Variants in ANO2 observed in about 807,000 individuals in gnomAD.
ANO2 encodes anoctamin-2.
In ANO2, 101 loss-of-function variants were observed where a neutral mutation model predicts 124.2. The ratio of observed to expected loss-of-function variants is 0.81; its 90% CI spans 0.69 to 0.96. The LOEUF (loss-of-function observed/expected upper bound fraction) is 0.96, where lower values mean the gene tolerates loss of function less well. Among genes scored for constraint, ANO2 ranks in the 40% least tolerant of loss-of-function variants. The pLI, the probability that ANO2 is intolerant of heterozygous loss-of-function variation, is 0.00. For missense variants in ANO2, 1,293 were observed against 1,274.5 expected (o/e 1.01, Z -0.22); for synonymous variants, 486 against 482.5 (o/e 1.01, Z -0.09).
chr12:5,640,145 G>A (rs547533497), intron 15 of ANO2, among the ~76,000 whole-genome samples: 2 of 152,112 alleles, frequency 1.3e-5, no homozygotes, highest in Non-Finnish European at 2.9e-5. Flanking sequence ...ATAGCACTGG[G>A]GCATTTCTTT....
At chr12:5,796,596 A>C (rs1379075296) in intron 10 of ANO2, among the ~76,000 whole-genome samples, 1 of 152,154 alleles carries the variant, frequency 6.6e-6, no homozygotes, top group East Asian at 1.9e-4. Context: ...TGCAGGCCCC[A>C]GGTCTCCAGA....
intron 3 of ANO2, among the ~76,000 whole-genome samples, chr12:5,914,191 C>G (rs950334373): frequency 1.6e-5 from 2 of 127,874 alleles, no homozygotes; most frequent in Admixed American, 8.9e-5. Flanking sequence ...CAGAGTGAGA[C>G]TCCATCTCAA....
At chr12:5,784,020 C>T (rs1462427805) in intron 10 of ANO2, among the ~76,000 whole-genome samples, 3 of 152,236 alleles carry the variant, frequency 2.0e-5, no homozygotes, top group Middle Eastern at 3.2e-3. Context: ...ATCTCACAAT[C>T]TGACCTTGCC....
chr12:5,831,053 G>C (rs994348457), intron 5 of ANO2, among the ~76,000 whole-genome samples: 2 of 152,110 alleles, frequency 1.3e-5, no homozygotes, highest in African/African-American at 4.8e-5. Flanking sequence ...ATTATGCAAG[G>C]GCTGGGTCTG....
At chr12:5,650,618 C>T (rs1007194149) in intron 14 of ANO2, among the ~76,000 whole-genome samples, 8 of 152,196 alleles carry the variant, frequency 5.3e-5, no homozygotes, top group African/African-American at 1.9e-4. Context: ...TAAAACTCTC[C>T]ATTCACGGAT....
At chr12:5,579,102 T>G (rs1481933592) in intron 20 of ANO2, among the ~76,000 whole-genome samples, 2 of 152,254 alleles carry the variant, frequency 1.3e-5, no homozygotes, top group Admixed American at 1.3e-4. Context: ...CTTCTTTCCA[T>G]GTCTACAGTC....
intron 13 of ANO2, chr12:5,739,012 C>A (rs188125957): frequency 1.6e-5 from 8 of 503,614 alleles, no homozygotes; most frequent in Admixed American, 2.3e-5. Context: ...CTCAAGATTA[C>A]GTCTTGCCTC....
intron 19 of ANO2, among the ~76,000 whole-genome samples, chr12:5,604,907 C>CT (rs11373701): frequency 0.35 from 50,762 of 146,574 alleles, 8,755 homozygotes; most frequent in East Asian, 0.54. Flanking sequence ...CCTTGCTTTT[C>CT]TTTTTTTTTT....
intron 24 of ANO2, among the ~76,000 whole-genome samples, chr12:5,564,188 C>T (rs1248823289): frequency 6.6e-6 from 1 of 152,222 alleles, no homozygotes; most frequent in African/African-American, 2.4e-5. Context: ...CCCTGCCTGT[C>T]TGGGAACCCC....
At chr12:5,695,609 G>A (rs994193624) in intron 14 of ANO2, among the ~76,000 whole-genome samples, 1 of 152,210 alleles carries the variant, frequency 6.6e-6, no homozygotes, top group Admixed American at 6.5e-5. Context: ...GGGAGGCTGA[G>A]GCAGGCAGAT....
At chr12:5,811,642 T>G (rs1055259762) in intron 7 of ANO2, among the ~76,000 whole-genome samples, 3 of 152,242 alleles carry the variant, frequency 2.0e-5, no homozygotes, top group African/African-American at 2.4e-5. Flanking sequence ...TACCCTCCTC[T>G]GATATGGTCA....
Position 5,825,703 on chromosome 12 carries a change from C to T in ANO2, c.892+2066G>A, listed in dbSNP as rs576144735. On this transcript the variant is annotated intron_variant, in intron 7 of 24. Coordinates refer to ENST00000682330, the MANE Select transcript of ANO2 (RefSeq NM_001364791.2). ...CCATCAAGATGAAATCAGTCTACTA[C>T]TCCACAACAGAGGTAAGGAAGAGTG... is the stretch of plus-strand genomic sequence containing the variant. 3.9e-5 allele frequency among the ~76,000 whole-genome samples: 6 copies of T among 152,322 alleles called. No homozygotes were observed. The South Asian group carries it at 1.2e-3, about 32-fold the overall frequency.
Position 5,636,583 on chromosome 12 carries a change from G to A in ANO2, c.1621-1236C>T, listed in dbSNP as rs951447416. Among the ~76,000 whole-genome samples the A allele has an allele frequency of 5.7e-5, 8 of 139,460 alleles. No homozygotes were observed. Among genetic ancestry groups the A allele is most frequent in the African/African-American group, 2.1e-4 (8 of 37,940 alleles). The allele number at this position is 139,460 out of a possible 152,430, so 91.5% of individuals were successfully genotyped here. On this transcript the variant is annotated intron_variant, in intron 15 of 24. Coordinates refer to ENST00000682330, the MANE Select transcript of ANO2 (RefSeq NM_001364791.2). The surrounding 1 kb of genome is among the most constrained non-coding windows in gnomAD (Gnocchi z 4.6). ...GAAAACAGCAGGTGGAAGGCTCCCT[G>A]AAAAAATAAGCTGTGCTGGACTACA...
chr12:5,868,471 T>C (rs1307360067), intron 3 of ANO2, among the ~76,000 whole-genome samples: 1 of 152,186 alleles, frequency 6.6e-6, no homozygotes, highest in African/African-American at 2.4e-5. Flanking sequence ...AGAGTGCTTG[T>C]GAATATCAGC....
chr12:5,637,339 ATGTGTG>A (rs10700184), intron 15 of ANO2, among the ~76,000 whole-genome samples: 24 of 148,994 alleles, frequency 1.6e-4, no homozygotes, highest in Non-Finnish European at 2.8e-4. Context: ...GAGTGAGTGA[ATGTGTG>A]TGTGTGTGTG....
chr12:5,821,770 C>A (rs1348360748), intron 7 of ANO2, among the ~76,000 whole-genome samples: 1 of 152,184 alleles, frequency 6.6e-6, no homozygotes, highest in East Asian at 1.9e-4. Flanking sequence ...TGCCTTCTGA[C>A]CCATCTAACC....
chr12:5,633,729 G>A (rs1032273526), intron 16 of ANO2, among the ~76,000 whole-genome samples: 6 of 152,092 alleles, frequency 3.9e-5, no homozygotes, highest in African/African-American at 7.2e-5. Context: ...TCTCCCGTAC[G>A]CTGAGCTCAG....
intron 4 of ANO2, chr12:5,839,582 C>T (rs1044691785): frequency 4.6e-5 from 21 of 455,880 alleles, no homozygotes; most frequent in Non-Finnish European, 7.9e-5. Context: ...TCATTCATGG[C>T]ACAAGCATCT....
chr12:5,907,129 G>A (rs529371957), intron 3 of ANO2, among the ~76,000 whole-genome samples: 14 of 152,284 alleles, frequency 9.2e-5, no homozygotes, highest in Admixed American at 5.2e-4. Context: ...AGCAGGCCCC[G>A]GTCTCGGATC....
Sources: gnomAD v4.1 joint callset for allele counts (sites outside exome capture counted in the v4.1 genomes callset) on GRCh38, gnomAD v4.1.1 for gene constraint, Gnocchi (gnomAD v3.1) non-coding constraint, MANE v1.5 for transcripts, NCBI Gene and HGNC (gene_info 2026-07-23, HGNC 2026-07-21) for gene names.